The following GDI2 variants were observed in gnomAD, a reference collection of about 807,000 sequenced individuals.
The protein encoded by GDI2 is GDP dissociation inhibitor 2, also known as rab GDP dissociation inhibitor beta.
A neutral mutation model predicts 54.2 loss-of-function variants in GDI2; 22 were observed. The ratio of observed to expected loss-of-function variants is 0.41; its 90% CI spans 0.29 to 0.58. The LOEUF is 0.58. Among genes scored for constraint, GDI2 ranks in the 20% least tolerant of loss-of-function variants. The pLI, the probability that GDI2 is intolerant of heterozygous loss-of-function variation, is 0.35. For synonymous variants in GDI2, 177 were observed against 182.1 expected, an observed-to-expected ratio of 0.97 and a Z score of 0.23; for missense variants, 422 against 546.0, an observed-to-expected ratio of 0.77 and a Z score of 2.26.
At chr10:5,809,236 C>T (rs1194864026) in intron 1 of GDI2, among the ~76,000 whole-genome samples, 1 of 73,570 alleles carries the variant, frequency 1.4e-5, no homozygotes, top group Non-Finnish European at 3.5e-5. Context: ...CAGAGTGAGA[C>T]TCCATCTCAA....
At chr10:5,807,499 CAA>C (rs1325923186) in intron 1 of GDI2, among the ~76,000 whole-genome samples, 2 of 152,186 alleles carry the variant, frequency 1.3e-5, no homozygotes, top group African/African-American at 4.8e-5. Flanking sequence ...ACTGTAACTT[CAA>C]ACTCACCTAC....
At chr10:5,809,771 G>C (rs868173069) in intron 1 of GDI2, among the ~76,000 whole-genome samples, 5 of 152,306 alleles carry the variant, frequency 3.3e-5, no homozygotes, top group Middle Eastern at 3.4e-3. Context: ...GGTACCATGG[G>C]AGGGAAGACA....
At chr10:5,789,951 T>C (rs1486156910) in intron 4 of GDI2, among the ~76,000 whole-genome samples, 2 of 152,228 alleles carry the variant, frequency 1.3e-5, no homozygotes, top group Non-Finnish European at 2.9e-5. Flanking sequence ...CATCTCTGCA[T>C]GAGCAGTTCA....
At position 5,797,568 on chromosome 10, in the gene GDI2, A is replaced by T. The variant is rs967749546; in HGVS notation, c.154-706T>A. ...CAAAAAAAAAAAAAAAAAAAAAAAAATTAGCGGGGTGTGGTGTGTGCCTGT... is the reference window on the plus strand; with the variant it reads ...CAAAAAAAAAAAAAAAAAAAAAAAATTTAGCGGGGTGTGGTGTGTGCCTGT... On this transcript the variant is annotated intron_variant, in intron 2 of 10. Coordinates refer to ENST00000380191, the MANE Select transcript of GDI2 (RefSeq NM_001494.4). Among the ~76,000 whole-genome samples, 146 of 145,196 alleles carry T rather than the reference A, an allele frequency of 1.0e-3. 2 individuals are homozygous for T. The East Asian group carries it at 0.022, about 22-fold the overall frequency.
At chr10:5,811,977 A>G in intron 1 of GDI2, 1 of 770,660 alleles carries the variant, frequency 1.3e-6, no homozygotes, top group Admixed American at 4.4e-5. Flanking sequence ...AAAAAAAAAA[A>G]TTGGTTTGAC....
intron 6 of GDI2, among the ~76,000 whole-genome samples, chr10:5,779,166 T>C (rs1013989696): frequency 6.6e-6 from 1 of 152,192 alleles, no homozygotes; most frequent in African/African-American, 2.4e-5. Context: ...AGGATAAATA[T>C]GTTGTTATAA....
At chr10:5,811,213 G>A (rs1025101390) in intron 1 of GDI2, among the ~76,000 whole-genome samples, 5 of 152,058 alleles carry the variant, frequency 3.3e-5, no homozygotes, top group Admixed American at 6.6e-5. Context: ...TGATTGTCCT[G>A]AATTGATATA....
At chr10:5,796,281 G>A (rs1258662390) in intron 3 of GDI2, among the ~76,000 whole-genome samples, 1 of 151,588 alleles carries the variant, frequency 6.6e-6, no homozygotes, top group Non-Finnish European at 1.5e-5. Context: ...ACCAGAAGGC[G>A]GAGGTTGTAG....
intron 1 of GDI2, among the ~76,000 whole-genome samples, chr10:5,804,129 T>C (rs907433337): frequency 1.3e-5 from 2 of 151,582 alleles, no homozygotes; most frequent in African/African-American, 2.4e-5. Context: ...AGTCTCACCC[T>C]GTTGCCCAGA....
At chr10:5,797,420 C>CTG (rs1041139123) in intron 2 of GDI2, among the ~76,000 whole-genome samples, 1 of 152,000 alleles carries the variant, frequency 6.6e-6, no homozygotes, top group African/African-American at 2.4e-5. Context: ...TGGCAGATGC[C>CTG]TGTAATCCCA....
In GDI2 at chr10:5,794,992, G is replaced by GT; in HGVS notation, c.280dup (p.Thr94AsnfsTer10). On this transcript the variant is annotated frameshift_variant, in exon 4 of 11. Coordinates refer to ENST00000380191, the MANE Select transcript of GDI2 (RefSeq NM_001494.4). LOFTEE classifies it high-confidence loss of function. ...AAAATCCAGATAGCGAGTTACCTCT[G>GT]TATAAAGCAGCATCTTAACCAGCTG... The GT allele has an allele frequency of 6.3e-7, 1 of 1,590,150 alleles. No homozygotes were observed. The highest frequency in any genetic ancestry group is 1.1e-5 in the South Asian group (1 of 90,522).
At chr10:5,794,184 AAAAAATATATATAT>A (rs1478533154) in intron 4 of GDI2, among the ~76,000 whole-genome samples, 11 of 52,710 alleles carry the variant, frequency 2.1e-4, no homozygotes, top group African/African-American at 7.6e-4. Context: ...AAAAAAAAAA[AAAAAATATATATAT>A]ATATATATAT....
chr10:5,788,874 C>T (rs1378460267), intron 4 of GDI2, among the ~76,000 whole-genome samples: 2 of 152,040 alleles, frequency 1.3e-5, no homozygotes, highest in African/African-American at 4.8e-5. Context: ...GCAATACTCC[C>T]ACCTAAGCAT....
At chr10:5,787,087 TTTTTAAAATACAACTACAG>T (rs1292774862) in intron 4 of GDI2, among the ~76,000 whole-genome samples, 1 of 152,254 alleles carries the variant, frequency 6.6e-6, no homozygotes, top group East Asian at 1.9e-4. Flanking sequence ...TGTACAGCTA[TTTTTAAAATACAACTACAG>T]TTTTAAAAAC....
chr10:5,809,800 C>G (rs1485752674), intron 1 of GDI2, among the ~76,000 whole-genome samples: 3 of 152,196 alleles, frequency 2.0e-5, no homozygotes, highest in Admixed American at 2.0e-4. Flanking sequence ...TGCAGTGTAT[C>G]ACGCATGTGA....
At chr10:5,799,989 C>A (rs1211179778) in intron 2 of GDI2, among the ~76,000 whole-genome samples, 3 of 151,934 alleles carry the variant, frequency 2.0e-5, no homozygotes, top group African/African-American at 7.3e-5. Context: ...GAAAAAAATC[C>A]TTTTTGGTAA....
chr10:5,765,827 T>C lies in GDI2; in HGVS notation c.*179A>G, dbSNP rs186526022. ...GAATGTGGTAACTGCCAATGCTGAA[T>C]AGCCACTCCATGAAAACAAGTTAAT... On this transcript the variant is annotated 3_prime_UTR_variant, in exon 11 of 11. Coordinates refer to ENST00000380191, the MANE Select transcript of GDI2 (RefSeq NM_001494.4). The C allele has an allele frequency of 2.4e-5, 13 of 537,240 alleles. No individual in the cohort carries two copies. Among genetic ancestry groups the C allele is most frequent in the South Asian group, 1.1e-4 (4 of 36,274 alleles). The allele number at this position is 537,240 out of a possible 1,614,324, so 33.3% of individuals were successfully genotyped here. A position where few individuals can be genotyped will look rare whatever the true frequency, so the allele number is the denominator to read the frequency against.
At chr10:5,782,251 CAAATT>C (rs1160321778) in intron 6 of GDI2, among the ~76,000 whole-genome samples, 4 of 152,088 alleles carry the variant, frequency 2.6e-5, no homozygotes, top group Non-Finnish European at 5.9e-5. Flanking sequence ...TCAAGAAATA[CAAATT>C]AAAACCATAA....
intron 6 of GDI2, among the ~76,000 whole-genome samples, chr10:5,783,378 G>A (rs1840804610): frequency 6.6e-6 from 1 of 152,132 alleles, no homozygotes; most frequent in Non-Finnish European, 1.5e-5. Flanking sequence ...GCAGATACTT[G>A]GTTGATGAGT....
Sources: allele counts gnomAD v4.1 joint callset (sites outside exome capture counted in the v4.1 genomes callset), GRCh38; gene constraint gnomAD v4.1.1; transcripts MANE v1.5; gene names NCBI Gene and HGNC (gene_info 2026-07-23, HGNC 2026-07-21).